ADAMTSL1: variants seen among roughly 807,000 people sequenced by gnomAD.
ADAMTSL1 encodes ADAMTS like 1.
Under a neutral mutation model 201.8 loss-of-function variants are expected in ADAMTSL1, and 126 were observed. The observed-to-expected ratio is 0.62, with a 90% CI of 0.54 to 0.72. ADAMTSL1 has a LOEUF of 0.72. Ranked by LOEUF, ADAMTSL1 falls within the 30% of genes least tolerant of loss-of-function variation. The pLI is 0.00. For missense variants in ADAMTSL1, 2,679 were observed against 2,277.8 expected (o/e 1.18, Z -3.59); for synonymous variants, 1,121 against 903.4 (o/e 1.24, Z -4.32).
intron 1 of ADAMTSL1, among the ~76,000 whole-genome samples, chr9:18,068,751 T>G (rs1389307939): frequency 6.6e-6 from 1 of 152,212 alleles, no homozygotes; most frequent in Non-Finnish European, 1.5e-5. Flanking sequence ...TATGTGGCAA[T>G]AGCAGTGCTA....
intron 1 of ADAMTSL1, among the ~76,000 whole-genome samples, chr9:18,098,298 T>C (rs1824343477): frequency 6.6e-6 from 1 of 152,148 alleles, no homozygotes; most frequent in African/African-American, 2.4e-5. Flanking sequence ...TTTCTTTGCA[T>C]TTCCATATAA....
chr9:18,056,695 G>A (rs996071009), intron 1 of ADAMTSL1, among the ~76,000 whole-genome samples: 5 of 152,178 alleles, frequency 3.3e-5, no homozygotes, highest in Admixed American at 2.0e-4. Flanking sequence ...AATCTTAAGT[G>A]CACAAAAGTG....
rs999977953 is a variant in ADAMTSL1, at chr9:18,055,097, A to G, written c.88-108765A>G. 2.0e-5 allele frequency among the ~76,000 whole-genome samples: 3 copies of G among 152,228 alleles called. No individual in the cohort carries two copies. The South Asian group carries it at 6.2e-4, about 31-fold the overall frequency. ...ATTCCCTGAATGGACTGGGGCATGC[A>G]CATGGTCTCTGCTGAGTGATTTTCC... is the stretch of plus-strand genomic sequence containing the variant. On this transcript the variant is annotated intron_variant, in intron 1 of 29. Transcript: ENST00000680146.
At chr9:18,179,108 C>G (rs1157986308) in intron 2 of ADAMTSL1, among the ~76,000 whole-genome samples, 1 of 152,074 alleles carries the variant, frequency 6.6e-6, no homozygotes, top group Non-Finnish European at 1.5e-5. Context: ...AAACCAAAGG[C>G]AAAGACGTTG....
chr9:18,554,529 G>A (rs557404861), intron 3 of ADAMTSL1, among the ~76,000 whole-genome samples: 28 of 151,852 alleles, frequency 1.8e-4, no homozygotes, highest in African/African-American at 4.6e-4. Context: ...CCAAATGTCC[G>A]CACTAAGTGA....
intron 3 of ADAMTSL1, among the ~76,000 whole-genome samples, chr9:18,549,136 G>A (rs1184874679): frequency 6.6e-6 from 1 of 151,902 alleles, no homozygotes. Context: ...TGCTGAACAG[G>A]AAAAATAAAA....
intron 3 of ADAMTSL1, among the ~76,000 whole-genome samples, chr9:18,554,394 A>G (rs921007347): frequency 6.6e-6 from 1 of 151,506 alleles, no homozygotes; most frequent in Non-Finnish European, 1.5e-5. Context: ...TGATTGTTGG[A>G]ATTTAAGAGG....
intron 4 of ADAMTSL1, chr9:18,574,567 T>C: frequency 1.9e-6 from 1 of 534,050 alleles, no homozygotes; most frequent in Non-Finnish European, 3.3e-6. Flanking sequence ...TCCCCTGGAT[T>C]GGCTATTCCT....
intron 23 of ADAMTSL1, among the ~76,000 whole-genome samples, chr9:18,862,162 A>G (rs1283281960): frequency 5.9e-5 from 9 of 152,140 alleles, no homozygotes; most frequent in Admixed American, 5.9e-4. Flanking sequence ...ATCCACTGCT[A>G]TGCTGTGGCT....
chr9:18,683,496 A>C (rs987493731), intron 12 of ADAMTSL1, among the ~76,000 whole-genome samples: 1 of 151,728 alleles, frequency 6.6e-6, no homozygotes, highest in Non-Finnish European at 1.5e-5. Flanking sequence ...CCAAAGTGCT[A>C]GGATTACAGG....
intron 3 of ADAMTSL1, among the ~76,000 whole-genome samples, chr9:18,563,019 A>G (rs1821629030): frequency 6.6e-6 from 1 of 152,202 alleles, no homozygotes; most frequent in African/African-American, 2.4e-5. Context: ...TACTTCTGTC[A>G]ATACATCAAA....
At chr9:18,081,417 C>T (rs1823495382) in intron 1 of ADAMTSL1, among the ~76,000 whole-genome samples, 1 of 151,866 alleles carries the variant, frequency 6.6e-6, no homozygotes, top group South Asian at 2.1e-4. Flanking sequence ...ACTTTATAAA[C>T]ATTCCCAATC....
Position 18,097,975 on chromosome 9 carries a change from T to C in ADAMTSL1, c.88-65887T>C, listed in dbSNP as rs140686392. Among the ~76,000 whole-genome samples the C allele has an allele frequency of 1.4e-4, 22 of 152,102 alleles. No homozygotes were observed. In the East Asian group the frequency reaches 4.1e-3, roughly 28 times the overall value. ...TATAGTTTTAGCTTTTAGGTTTAGGTTAGTGATCCATTTTGAATTAATTTT... is the reference window on the plus strand; with the variant it reads ...TATAGTTTTAGCTTTTAGGTTTAGGCTAGTGATCCATTTTGAATTAATTTT... On this transcript the variant is annotated intron_variant, in intron 1 of 29. Transcript: ENST00000680146.
At chr9:18,200,633 C>T (rs1050819456) in intron 2 of ADAMTSL1, among the ~76,000 whole-genome samples, 10 of 151,950 alleles carry the variant, frequency 6.6e-5, no homozygotes, top group African/African-American at 2.4e-4. Flanking sequence ...TACCTTACCT[C>T]TCCTGCTTTT....
intron 15 of ADAMTSL1, among the ~76,000 whole-genome samples, chr9:18,750,153 T>C (rs1430047850): frequency 6.6e-6 from 1 of 152,220 alleles, no homozygotes; most frequent in Non-Finnish European, 1.5e-5. Context: ...AAAACCTTTT[T>C]TTAAGCATAA....
At chr9:18,079,881 G>C (rs1823412464) in intron 1 of ADAMTSL1, among the ~76,000 whole-genome samples, 1 of 152,086 alleles carries the variant, frequency 6.6e-6, no homozygotes, top group Admixed American at 6.6e-5. Flanking sequence ...CAGAATCCCA[G>C]CTGGACAAAA....
intron 2 of ADAMTSL1, among the ~76,000 whole-genome samples, chr9:18,334,953 C>T (rs1835169336): frequency 6.6e-6 from 1 of 152,056 alleles, no homozygotes; most frequent in African/African-American, 2.4e-5. Flanking sequence ...GCTTTATTAA[C>T]CAAGACAGAG....
At chr9:18,270,934 C>A (rs1832335837) in intron 2 of ADAMTSL1, among the ~76,000 whole-genome samples, 1 of 152,068 alleles carries the variant, frequency 6.6e-6, no homozygotes, top group African/African-American at 2.4e-5. Flanking sequence ...GACTCTAGGA[C>A]CCTAAGAAGG....
intron 19 of ADAMTSL1, among the ~76,000 whole-genome samples, chr9:18,787,233 G>A (rs1313766411): frequency 6.6e-6 from 1 of 152,172 alleles, no homozygotes; most frequent in Non-Finnish European, 1.5e-5. Context: ...AAAAGTGTAA[G>A]AATAGCAAGC....
Sources: allele counts gnomAD v4.1 joint callset (sites outside exome capture counted in the v4.1 genomes callset), GRCh38; gene constraint gnomAD v4.1.1; transcripts MANE v1.5; gene names NCBI Gene and HGNC (gene_info 2026-07-23, HGNC 2026-07-21).